LTBP2: variants seen among roughly 807,000 people sequenced by gnomAD.
LTBP2 encodes latent transforming growth factor beta binding protein 2, also known as latent-transforming growth factor beta-binding protein 2.
A neutral mutation model predicts 210.6 loss-of-function variants in LTBP2; 103 were observed. That is an observed-to-expected ratio of 0.49 (90% CI 0.42 to 0.58). The LOEUF (loss-of-function observed/expected upper bound fraction) is 0.58, where lower values mean the gene tolerates loss of function less well. Among genes scored for constraint, LTBP2 ranks in the 20% least tolerant of loss-of-function variants. LTBP2 has a pLI of 0.00. For synonymous variants in LTBP2, 1,007 were observed against 1,015.0 expected (o/e 0.99, Z 0.15); for missense variants, 2,313 against 2,494.5 (o/e 0.93, Z 1.55).
intron 2 of LTBP2, among the ~76,000 whole-genome samples, chr14:74,601,871 G>C (rs2088452861): frequency 6.6e-6 from 1 of 152,188 alleles, no homozygotes; most frequent in Non-Finnish European, 1.5e-5. Flanking sequence ...CTCCTACCGA[G>C]AAGGGCCTGG....
chr14:74,503,462 C>T lies in LTBP2; in HGVS notation c.4720+7G>A, dbSNP rs137854885. On this transcript the variant is annotated splice_region_variant and intron_variant, in intron 32 of 35. Transcript: ENST00000261978. ...TCTCCTGCTCCCCCACGCTCAGGCCCACTCACCCGTGCTGCTGGTGCTGTT... is the reference window on the plus strand; with the variant it reads ...TCTCCTGCTCCCCCACGCTCAGGCCTACTCACCCGTGCTGCTGGTGCTGTT... 1.2e-6 allele frequency: 2 copies of T among 1,610,452 alleles called. No individual in the cohort carries two copies. Among genetic ancestry groups the T allele is most frequent in the Middle Eastern group, 1.7e-4 (1 of 6,058 alleles).
intron 3 of LTBP2, among the ~76,000 whole-genome samples, chr14:74,584,044 C>CTACAAACTA (rs2088172345): frequency 6.6e-6 from 1 of 152,226 alleles, no homozygotes; most frequent in South Asian, 2.1e-4. Flanking sequence ...TAGTTTGGAC[C>CTACAAACTA]CAGTGTCAGA....
In LTBP2 at chr14:74,588,929, TG is replaced by T. The variant is rs200438333; in HGVS notation, c.566-2812del. ...CCACCCCCACTGACTCCCAGAAGGG[TG>T]GGCATGGTTCTTCTTCTTCCTCTCT... On this transcript the variant is annotated intron_variant, in intron 2 of 35. Transcript: ENST00000261978. Among the ~76,000 whole-genome samples, 1,259 of 152,252 alleles carry T rather than the reference TG, an allele frequency of 8.3e-3. 19 individuals carry two copies. Among genetic ancestry groups the T allele is most frequent in the African/African-American group, 0.025 (1,056 of 41,540 alleles).
intron 2 of LTBP2, among the ~76,000 whole-genome samples, chr14:74,587,650 A>G (rs1000702329): frequency 1.3e-5 from 2 of 151,946 alleles, no homozygotes; most frequent in African/African-American, 4.8e-5. Flanking sequence ...AAGGTCAGTG[A>G]GGAAGAGGAG....
chr14:74,612,018 G>A lies in LTBP2; in HGVS notation c.-74C>T, dbSNP rs1252607954. On this transcript the variant is annotated 5_prime_UTR_variant, in exon 1 of 36. Coordinates refer to ENST00000261978, the MANE Select transcript of LTBP2 (RefSeq NM_000428.3). ...TGTGGTCGGCACGCTGGACGCCCGC[G>A]GGCTGTTCTCCCGGCCCCGCCCGGC... The A allele has an allele frequency of 7.1e-6, 10 of 1,401,138 alleles. No homozygotes were observed. Among genetic ancestry groups the A allele is most frequent in the Non-Finnish European group, 8.3e-6 (9 of 1,079,718 alleles). The allele number at this position is 1,401,138 out of a possible 1,614,324, so 86.8% of individuals were successfully genotyped here. A position where few individuals can be genotyped will look rare whatever the true frequency, so the allele number is the denominator to read the frequency against.
intron 3 of LTBP2, among the ~76,000 whole-genome samples, chr14:74,565,476 G>T (rs1180890842): frequency 6.6e-6 from 1 of 152,186 alleles, no homozygotes; most frequent in East Asian, 1.9e-4. Context: ...CAAGAAGAAG[G>T]CATGGATGCA....
intron 27 of LTBP2, among the ~76,000 whole-genome samples, 174 bp from the exon 28 acceptor site, chr14:74,506,365 A>G (rs1409836647): frequency 3.3e-5 from 5 of 152,238 alleles, no homozygotes; most frequent in African/African-American, 1.2e-4. Flanking sequence ...GGAAAGAAGA[A>G]AAAAGGAGAG....
At chr14:74,549,623 G>T (rs148590060) in intron 8 of LTBP2, among the ~76,000 whole-genome samples, 1 of 152,372 alleles carries the variant, frequency 6.6e-6, no homozygotes, top group Non-Finnish European at 1.5e-5. Flanking sequence ...CTCTGCAAGA[G>T]AGAGCAGGCC....
rs115741258 is a variant in LTBP2, at chr14:74,596,665, C to T, written c.565+6970G>A. Among the ~76,000 whole-genome samples, 1,395 of 152,276 alleles carry T rather than the reference C, an allele frequency of 9.2e-3. 26 individuals are homozygous for T. Among genetic ancestry groups the T allele is most frequent in the African/African-American group, 0.032 (1,339 of 41,528 alleles). The stretch of plus-strand genomic sequence containing the variant: ...CTGGCCCAGAGAGGCAGCAGGGAAG[C>T]AGGCAGGTCCACGAGGGACTGAGGA... On this transcript the variant is annotated intron_variant, in intron 2 of 35. Transcript: ENST00000261978.
intron 3 of LTBP2, among the ~76,000 whole-genome samples, chr14:74,565,339 G>T (rs936753844): frequency 2.0e-5 from 3 of 152,196 alleles, no homozygotes; most frequent in Non-Finnish European, 4.4e-5. Flanking sequence ...GTTGGGATGG[G>T]CATTCTTAAA....
At chr14:74,608,271 A>G (rs994183163) in intron 1 of LTBP2, among the ~76,000 whole-genome samples, 35 of 152,186 alleles carry the variant, frequency 2.3e-4, no homozygotes, top group African/African-American at 8.4e-4. Flanking sequence ...CATTTATAAA[A>G]CTTCATAATA....
Position 74,525,154 on chromosome 14 carries a change from TG to T in LTBP2, c.2499del (p.Thr834LeufsTer5). 7.5e-7 allele frequency: 1 copy of T among 1,332,590 alleles called. No homozygotes were observed. Among genetic ancestry groups the T allele is most frequent in the South Asian group, 2.7e-5 (1 of 36,716 alleles). 82.5% of individuals were successfully genotyped at this position (1,332,590 alleles called of 1,614,324 possible). ...GTGCTCAGGGTCACCAGCACATCAG[TG>T]GAGGGGGTCACTTGTTCTTCCTGTA... Reference protein sequence around the residue: ...AEIQEEQVTPSTDVLVTLSTP... With the variant: ...AEIQEEQVTPXTDVLVTLSTP... On this transcript the variant is annotated frameshift_variant, in exon 15 of 36. Coordinates refer to ENST00000261978, the MANE Select transcript of LTBP2 (RefSeq NM_000428.3). LOFTEE classifies it high-confidence loss of function.
rs1347892436 is a variant in LTBP2 at position 74,509,825 on chromosome 14, G to A, written c.3186C>T (p.Pro1062=). ...CCTCCGTGTTGAGGCAGAGGCCTGT[G>A]GGGCATGAGGCCCGGCTGGCACACT... The part of the protein sequence containing the change: ...VDECASRASC[P]TGLCLNTEGS... Residue 1062 remains proline, a synonymous_variant, in exon 21 of 36, where the codon CCC becomes CCT. Transcript: ENST00000261978. 6.2e-7 allele frequency: 1 copy of A among 1,613,962 alleles called. No individual in the cohort carries two copies. The highest frequency in any genetic ancestry group is 1.7e-5 in the Admixed American group (1 of 60,010).
rs78954242 is a variant in LTBP2, at chr14:74,586,477, G to A, written c.566-359C>T. ...TGGAAGCCCCCTGAGGACAGACAGC[G>A]GCCCCGGAACTTTGACTAGGGATTG... On this transcript the variant is annotated intron_variant, in intron 2 of 35. Transcript: ENST00000261978. This position sits in a 1 kb window ranked among gnomAD's most constrained non-coding sequence, Gnocchi z 4.6. Among the ~76,000 whole-genome samples the A allele has an allele frequency of 9.9e-3, 1,504 of 152,278 alleles. 18 individuals carry two copies. Among genetic ancestry groups the A allele is most frequent in the African/African-American group, 0.033 (1,352 of 41,540 alleles).
intron 3 of LTBP2, among the ~76,000 whole-genome samples, chr14:74,581,636 A>G (rs1353756623): frequency 1.3e-5 from 2 of 152,202 alleles, no homozygotes; most frequent in African/African-American, 4.8e-5. Context: ...TGAATTCTGC[A>G]GATAACCTGA....
intron 19 of LTBP2, 67 bp downstream of exon 19, chr14:74,511,178 T>C: frequency 1.2e-6 from 2 of 1,609,914 alleles, no homozygotes; most frequent in Admixed American, 3.3e-5. Flanking sequence ...TCCCTTTCCG[T>C]GTGTGGGCTC....
At chr14:74,540,942 ATAT>A (rs1190983492) in intron 8 of LTBP2, among the ~76,000 whole-genome samples, 41 of 27,170 alleles carry the variant, frequency 1.5e-3, no homozygotes, top group African/African-American at 2.2e-3. Context: ...ATATATATAT[ATAT>A]TTTTTATATA....
chr14:74,611,367 C>G, intron 1 of LTBP2, 84 bp downstream of exon 1: 1 of 1,359,954 alleles, frequency 7.4e-7, no homozygotes, highest in Non-Finnish European at 9.6e-7. Context: ...GAGAGCGGCG[C>G]CCTCTCCTCT....
chr14:74,582,072 T>C (rs1277007696), intron 3 of LTBP2, among the ~76,000 whole-genome samples: 2 of 147,502 alleles, frequency 1.4e-5, no homozygotes, highest in Non-Finnish European at 3.0e-5. Context: ...CCAGCTGGAG[T>C]GCAATGGTGC....
Sources: gnomAD v4.1 joint callset for allele counts (sites outside exome capture counted in the v4.1 genomes callset) on GRCh38, gnomAD v4.1.1 for gene constraint, Gnocchi (gnomAD v3.1) non-coding constraint, MANE v1.5 for transcripts, NCBI Gene and HGNC (gene_info 2026-07-23, HGNC 2026-07-21) for gene names.